The following HYAL4 variants were observed in gnomAD, a reference collection of about 807,000 sequenced individuals.
HYAL4 encodes hyaluronidase 4, also known as hyaluronidase-4.
In HYAL4, 37 loss-of-function variants were observed where a neutral mutation model predicts 35.2. The observed-to-expected ratio is 1.05, with a 90% CI of 0.81 to 1.38. The LOEUF is 1.38. HYAL4 is among the 40% of genes most tolerant of loss of function. The pLI is 0.00. For synonymous variants in HYAL4, 198 were observed against 203.2 expected (o/e 0.97, Z 0.22); for missense variants, 572 against 572.4 (o/e 1.00, Z 0.01).
At chr7:123,823,161 G>T in the HYAL4 span, among the ~76,000 whole-genome samples, 1 of 151,986 alleles carries the variant, frequency 6.6e-6, no homozygotes, top group Non-Finnish European at 1.5e-5. Context: ...TACTGTGAAG[G>T]GGTGTTAAAT....
chr7:123,808,370 GTA>G, the HYAL4 span, among the ~76,000 whole-genome samples: 7 of 151,204 alleles, frequency 4.6e-5, no homozygotes, highest in African/African-American at 4.9e-5. Flanking sequence ...ATAGAAATGT[GTA>G]CACACACACA....
the HYAL4 span, among the ~76,000 whole-genome samples, chr7:123,776,561 G>A: frequency 5.9e-5 from 9 of 152,028 alleles, no homozygotes; most frequent in Non-Finnish European, 1.3e-4. Flanking sequence ...CTACAGGTGG[G>A]CATCACCACG....
chr7:123,794,724 G>C, the HYAL4 span, among the ~76,000 whole-genome samples: 14 of 152,250 alleles, frequency 9.2e-5, no homozygotes, highest in Admixed American at 2.6e-4. Flanking sequence ...GAAACACCTG[G>C]ATGTCCAGGT....
the HYAL4 span, among the ~76,000 whole-genome samples, chr7:123,783,770 G>A: frequency 1.3e-5 from 2 of 152,086 alleles, no homozygotes; most frequent in African/African-American, 4.8e-5. Context: ...ATGAAGAAAC[G>A]ACCTATGATT....
chr7:123,766,166 CT>C, the HYAL4 span, among the ~76,000 whole-genome samples: 1 of 152,106 alleles, frequency 6.6e-6, no homozygotes, highest in Admixed American at 6.5e-5. Context: ...ACATTCTGTA[CT>C]GAGGGACATT....
At chr7:123,827,931 G>A (rs1317981625), upstream of HYAL4, among the ~76,000 whole-genome samples, 1 of 152,016 alleles carries the variant, frequency 6.6e-6, no homozygotes, top group African/African-American at 2.4e-5. Flanking sequence ...TTTTTCCATG[G>A]TCCTACCTGT....
At chr7:123,796,164 A>C in the HYAL4 span, among the ~76,000 whole-genome samples, 2 of 152,192 alleles carry the variant, frequency 1.3e-5, no homozygotes, top group Non-Finnish European at 2.9e-5. Context: ...AATCCCCAGA[A>C]GGCACTGAAG....
chr7:123,869,692 T>G (rs1410900147), intron 3 of HYAL4, among the ~76,000 whole-genome samples: 1 of 152,032 alleles, frequency 6.6e-6, no homozygotes, highest in Non-Finnish European at 1.5e-5. Context: ...TTTTGTTTTT[T>G]TTTTTTCTTC....
chr7:123,792,292 C>T, the HYAL4 span, among the ~76,000 whole-genome samples: 6 of 152,306 alleles, frequency 3.9e-5, no homozygotes, highest in East Asian at 1.2e-3. Context: ...GGTTATGCTC[C>T]ACTGAATCTT....
chr7:123,771,049 T>G, the HYAL4 span, among the ~76,000 whole-genome samples: 29 of 152,110 alleles, frequency 1.9e-4, no homozygotes, highest in Admixed American at 2.0e-4. Flanking sequence ...GAGGAAGAGA[T>G]AGGTTTTAGA....
At chr7:123,803,527 G>A in the HYAL4 span, among the ~76,000 whole-genome samples, 10 of 151,992 alleles carry the variant, frequency 6.6e-5, no homozygotes, top group Non-Finnish European at 1.0e-4. Context: ...ACACTATACC[G>A]TCCTCCCAAT....
intron 2 of HYAL4, among the ~76,000 whole-genome samples, chr7:123,850,063 T>C (rs1806267845): frequency 1.3e-5 from 2 of 151,546 alleles, no homozygotes; most frequent in African/African-American, 4.9e-5. Context: ...ATTCTTCCAA[T>C]AAGTGTGACA....
chr7:123,818,147 G>C, the HYAL4 span, among the ~76,000 whole-genome samples: 1 of 152,210 alleles, frequency 6.6e-6, no homozygotes, highest in East Asian at 1.9e-4. Context: ...AAATTGCTGA[G>C]ATTACAGGCG....
At chr7:123,823,728 TTTA>T in the HYAL4 span, among the ~76,000 whole-genome samples, 44 of 70,454 alleles carry the variant, frequency 6.2e-4, no homozygotes, top group Middle Eastern at 7.2e-3. Context: ...ACATATATAT[TTTA>T]TATATATATA....
chr7:123,863,977 AC>A (rs1168532949), intron 2 of HYAL4, among the ~76,000 whole-genome samples: 1 of 152,168 alleles, frequency 6.6e-6, no homozygotes, highest in African/African-American at 2.4e-5. Flanking sequence ...CCTCAAAAGA[AC>A]ATCCCTCCTG....
rs770038286 is a variant in HYAL4, at chr7:123,869,244, C to T, written c.954+17C>T. On this transcript the variant is annotated intron_variant, in intron 3 of 4. Coordinates refer to ENST00000223026, the MANE Select transcript of HYAL4 (RefSeq NM_012269.3). ...CTTTCTAAGGTAAGAAGCTTCTTGT[C>T]CAATGGTGGGGGATTTCCTCCTTAT... is the stretch of plus-strand genomic sequence containing the variant. 2 of 1,494,266 alleles carry T rather than the reference C, an allele frequency of 1.3e-6. No individual in the cohort carries two copies. The highest frequency in any genetic ancestry group is 1.8e-6 in the Non-Finnish European group (2 of 1,098,874). 92.6% of individuals were successfully genotyped at this position (1,494,266 alleles called of 1,614,324 possible). A position where few individuals can be genotyped will look rare whatever the true frequency, so the allele number is the denominator to read the frequency against.
At chr7:123,793,800 G>A in the HYAL4 span, among the ~76,000 whole-genome samples, 127 of 152,258 alleles carry the variant, frequency 8.3e-4, no homozygotes, top group African/African-American at 3.0e-3. Context: ...GACTAATACA[G>A]TAAATTAGCA....
chr7:123,817,632 T>G, the HYAL4 span, among the ~76,000 whole-genome samples: 1 of 150,020 alleles, frequency 6.7e-6, no homozygotes, highest in Non-Finnish European at 1.5e-5. Context: ...CACCTCAGCC[T>G]CCTGAGTAGT....
At chr7:123,850,161 G>A (rs768823158) in intron 2 of HYAL4, among the ~76,000 whole-genome samples, 3 of 152,172 alleles carry the variant, frequency 2.0e-5, no homozygotes, top group Non-Finnish European at 2.9e-5. Context: ...TTAGTCACAC[G>A]ATTTATTTCA....
Sources: allele counts gnomAD v4.1 joint callset (sites outside exome capture counted in the v4.1 genomes callset), GRCh38; gene constraint gnomAD v4.1.1; transcripts MANE v1.5; gene names NCBI Gene and HGNC (gene_info 2026-07-23, HGNC 2026-07-21).